ROR1: variants seen among roughly 807,000 people sequenced by gnomAD.
ROR1 encodes inactive tyrosine-protein kinase transmembrane receptor ROR1.
In ROR1, 19 loss-of-function variants were observed where a neutral mutation model predicts 78.8. The observed-to-expected ratio is 0.24, with a 90% CI of 0.17 to 0.35. The LOEUF (loss-of-function observed/expected upper bound fraction) is 0.35. Ranked by LOEUF, ROR1 falls within the 10% of genes least tolerant of loss-of-function variation. The pLI is 1.00. For synonymous variants in ROR1, 386 were observed against 433.6 expected (o/e 0.89, Z 1.36); for missense variants, 917 against 1,177.8 (o/e 0.78, Z 3.24).
At chr1:63,859,717 C>A (rs1331560062) in intron 1 of ROR1, among the ~76,000 whole-genome samples, 1 of 152,106 alleles carries the variant, frequency 6.6e-6, no homozygotes, top group Admixed American at 6.6e-5. Context: ...GTGTGCCCTC[C>A]CTCACTGTAC....
At chr1:63,980,128 T>C (rs1646197455) in intron 1 of ROR1, among the ~76,000 whole-genome samples, 1 of 151,726 alleles carries the variant, frequency 6.6e-6, no homozygotes, top group Non-Finnish European at 1.5e-5. Flanking sequence ...GAGAAAAAAA[T>C]ATATTTATAA....
intron 1 of ROR1, among the ~76,000 whole-genome samples, chr1:63,912,778 C>T (rs904053980): frequency 6.6e-6 from 1 of 152,310 alleles, no homozygotes; most frequent in Non-Finnish European, 1.5e-5. Flanking sequence ...TTGTGCTTCT[C>T]TTCTCCCTGT....
chr1:64,106,706 G>A (rs1389731791), intron 4 of ROR1: 1 of 152,088 alleles, frequency 6.6e-6, no homozygotes, highest in Non-Finnish European at 1.5e-5. Context: ...TGCATCTACT[G>A]AGATAACCAT....
chr1:63,906,051 A>G (rs189044719), intron 1 of ROR1, among the ~76,000 whole-genome samples: 3 of 152,304 alleles, frequency 2.0e-5, no homozygotes, highest in South Asian at 4.1e-4. Flanking sequence ...TTTCCTATAG[A>G]CATTTTATAA....
At chr1:63,819,415 A>G (rs962748557) in intron 1 of ROR1, among the ~76,000 whole-genome samples, 1 of 152,194 alleles carries the variant, frequency 6.6e-6, no homozygotes, top group Non-Finnish European at 1.5e-5. Flanking sequence ...TGATGTGTTT[A>G]TGCTTGAACC....
chr1:64,138,078 ATC>A (rs1407673047), intron 5 of ROR1, among the ~76,000 whole-genome samples: 5 of 152,216 alleles, frequency 3.3e-5, no homozygotes, highest in African/African-American at 9.7e-5. Flanking sequence ...TTTGATAGAA[ATC>A]TAATAGCGAA....
intron 1 of ROR1, among the ~76,000 whole-genome samples, chr1:63,874,561 T>C (rs971147826): frequency 6.6e-6 from 1 of 152,150 alleles, no homozygotes; most frequent in East Asian, 1.9e-4. Flanking sequence ...AAGAATTTCA[T>C]TGATGAGTGA....
At chr1:64,152,313 C>G (rs1016955232) in intron 7 of ROR1, among the ~76,000 whole-genome samples, 2 of 152,218 alleles carry the variant, frequency 1.3e-5, no homozygotes, top group African/African-American at 4.8e-5. Flanking sequence ...TTCTTCTCCT[C>G]TAGGTGTTTC....
At chr1:63,812,914 C>T (rs939473142) in intron 1 of ROR1, among the ~76,000 whole-genome samples, 7 of 152,126 alleles carry the variant, frequency 4.6e-5, no homozygotes, top group Non-Finnish European at 5.9e-5. Context: ...AGGCATTGAG[C>T]ACAGGGTCCA....
intron 1 of ROR1, among the ~76,000 whole-genome samples, chr1:63,934,778 G>A (rs1292973482): frequency 1.3e-5 from 2 of 152,124 alleles, no homozygotes; most frequent in Admixed American, 1.3e-4. Flanking sequence ...TAATGTCTGG[G>A]CCTGAGAAGA....
chr1:63,776,459 G>A (rs1055527541), intron 1 of ROR1, among the ~76,000 whole-genome samples: 13 of 152,204 alleles, frequency 8.5e-5, no homozygotes, highest in African/African-American at 3.1e-4. Flanking sequence ...GGGGGTCCAC[G>A]TGAGAGGGTC....
Position 64,097,466 on chromosome 1 carries a change from C to T in ROR1, c.483-39903C>T, listed in dbSNP as rs146112009. Among the ~76,000 whole-genome samples the T allele has an allele frequency of 4.2e-3, 645 of 152,168 alleles. 3 individuals carry two copies. Among genetic ancestry groups the T allele is most frequent in the Non-Finnish European group, 6.2e-3 (420 of 68,016 alleles). On this transcript the variant is annotated intron_variant, in intron 4 of 8. Coordinates refer to ENST00000371079, the MANE Select transcript of ROR1 (RefSeq NM_005012.4). The stretch of plus-strand genomic sequence containing the variant: ...ACTTGCCATGTAACATATTCAAATG[C>T]TCTGGGGATTAGGACATTCACATTT...
At chr1:63,876,654 G>A (rs1439357780) in intron 1 of ROR1, among the ~76,000 whole-genome samples, 1 of 123,072 alleles carries the variant, frequency 8.1e-6, no homozygotes, top group Non-Finnish European at 1.6e-5. Context: ...GGGTGTGTGT[G>A]TGTGTGTGTG....
chr1:63,908,488 A>G (rs17358977), intron 1 of ROR1, among the ~76,000 whole-genome samples: 13,906 of 152,226 alleles, frequency 0.091, 719 homozygotes, highest in Non-Finnish European at 0.11. Context: ...TACTCTGGTG[A>G]TTATTAGTGT....
intron 2 of ROR1, among the ~76,000 whole-genome samples, chr1:64,032,340 C>CAAAAAAAAAAAAAAAAAAAAAAAAAAAAA (rs66602515): frequency 1.3e-5 from 1 of 76,344 alleles, no homozygotes. Context: ...GACTCCGTCT[C>CAAAAAAAAAAAAAAAAAAAAAAAAAAAAA]AAAAAAAAAA....
At chr1:63,797,088 T>G (rs2787666) in intron 1 of ROR1, among the ~76,000 whole-genome samples, 11,661 of 152,218 alleles carry the variant, frequency 0.077, 1,510 homozygotes, top group African/African-American at 0.27. Flanking sequence ...ATTAAAAGGG[T>G]TCTTTCTTAC....
At chr1:63,897,106 T>G (rs1470479801) in intron 1 of ROR1, among the ~76,000 whole-genome samples, 2 of 152,242 alleles carry the variant, frequency 1.3e-5, no homozygotes, top group African/African-American at 4.8e-5. Context: ...TCTTATTCAC[T>G]ATTGGTACTG....
intron 1 of ROR1, among the ~76,000 whole-genome samples, chr1:63,926,565 T>TGGGGG (rs1387800351): frequency 0.016 from 2,232 of 136,818 alleles, 55 homozygotes; most frequent in African/African-American, 0.058. Flanking sequence ...GGTAGCTTGA[T>TGGGGG]GGGGATGGCA....
At chr1:63,865,716 A>C (rs141404452) in intron 1 of ROR1, among the ~76,000 whole-genome samples, 2 of 152,334 alleles carry the variant, frequency 1.3e-5, no homozygotes, top group African/African-American at 4.8e-5. Flanking sequence ...TAATATGTGT[A>C]ATAGGCTAGG....
Sources: allele counts gnomAD v4.1 joint callset (sites outside exome capture counted in the v4.1 genomes callset), GRCh38; gene constraint gnomAD v4.1.1; transcripts MANE v1.5; gene names NCBI Gene and HGNC (gene_info 2026-07-23, HGNC 2026-07-21).